Variants in GPN2 observed in about 807,000 individuals in gnomAD.
GPN2 encodes GPN-loop GTPase 2, also known as ATP-binding domain 1 family member B.
A neutral mutation model predicts 30.1 loss-of-function variants in GPN2; 27 were observed. The observed-to-expected ratio is 0.90, with a 90% CI of 0.66 to 1.24. The LOEUF (loss-of-function observed/expected upper bound fraction) is 1.24. Ranked by LOEUF, GPN2 falls within the 50% of genes most tolerant of loss-of-function variation. GPN2 has a pLI of 0.00. For synonymous variants in GPN2, 212 were observed against 174.4 expected (o/e 1.22, Z -1.70); for missense variants, 406 against 405.4 (o/e 1.00, Z -0.01).
At chr1:26,885,349 AG>A (rs1299097797) in intron 3 of GPN2, among the ~76,000 whole-genome samples, 1 of 152,140 alleles carries the variant, frequency 6.6e-6, no homozygotes, top group Non-Finnish European at 1.5e-5. Flanking sequence ...CCCAGTTGAA[AG>A]GGCTTAAGAG....
intron 1 of GPN2, among the ~76,000 whole-genome samples, chr1:26,889,436 C>T (rs2081908498): frequency 6.6e-6 from 1 of 152,200 alleles, no homozygotes; most frequent in South Asian, 2.1e-4. Context: ...TTAACCCCTT[C>T]CATACTTCCA....
Position 26,884,236 on chromosome 1 carries a change from A to G in GPN2, c.784T>C (p.Cys262Arg), listed in dbSNP as rs750022105. Residue 262 changes from cysteine (C) to arginine (R), a missense_variant, in exon 4 of 5, where the codon TGT (cysteine) becomes CGT (arginine). Transcript: ENST00000374135. ...CTTCGCTGCTCTTGGGCTCTGAAAC[A>G]GTATCCATTGGCTTTATCCACAGCC... ...LQAVDKANGY[C>R]FRAQEQRSLE... 33 of 1,613,802 alleles carry G rather than the reference A, an allele frequency of 2.0e-5. No individual in the cohort carries two copies. Among genetic ancestry groups the G allele is most frequent in the Admixed American group, 1.0e-4 (6 of 59,956 alleles).
At chr1:26,882,393 T>C (rs1170418114) in intron 4 of GPN2, among the ~76,000 whole-genome samples, 2 of 151,950 alleles carry the variant, frequency 1.3e-5, no homozygotes, top group Admixed American at 1.3e-4. Context: ...GCTCCTCCCC[T>C]CTTTTGCTGA....
intron 4 of GPN2, among the ~76,000 whole-genome samples, chr1:26,880,027 G>A (rs555867032): frequency 1.3e-4 from 20 of 152,322 alleles, no homozygotes; most frequent in Admixed American, 4.6e-4. Context: ...GACTAAGGGA[G>A]TTCAAAACCT....
chr1:26,879,789 G>A (rs2081855592), intron 4 of GPN2, 40 bp from the exon 5 acceptor site: 9 of 1,432,186 alleles, frequency 6.3e-6, no homozygotes, highest in Non-Finnish European at 8.9e-6. Context: ...ATAGGCAGAG[G>A]ATGGGGAGCT....
Position 26,879,655 on chromosome 1 carries a change from C to A in GPN2, c.*22G>T. The A allele has an allele frequency of 1.3e-6, 2 of 1,582,072 alleles. No homozygotes were observed. The highest frequency in any genetic ancestry group is 1.7e-6 in the Non-Finnish European group (2 of 1,151,214). On this transcript the variant is annotated 3_prime_UTR_variant, in exon 5 of 5. Coordinates refer to ENST00000374135, the MANE Select transcript of GPN2 (RefSeq NM_018066.4). ...CCCCAGTGCTGGATTATGCATCCTG[C>A]TCTCCAGGGTCCACCTTGTTGCTAC...
rs2081841870 is a variant in GPN2, at chr1:26,877,293, C to T, written c.*2384G>A. 6.6e-6 allele frequency: 1 copy of T among 152,218 alleles called. No individual in the cohort carries two copies. The highest frequency in any genetic ancestry group is 2.4e-5 in the African/African-American group (1 of 41,444). The allele number at this position is 152,218 out of a possible 1,614,324, so 9.4% of individuals were successfully genotyped here. A position where few individuals can be genotyped will look rare whatever the true frequency, so the allele number is the denominator to read the frequency against. ...GAGGTTGCTTTCATACTGTTCCAGC[C>T]ACAGTAGCCTCCTCATAGCCCCTCA... On this transcript the variant is annotated 3_prime_UTR_variant, in exon 5 of 5. Transcript: ENST00000374135.
At chr1:26,882,307 C>A (rs939633546) in intron 4 of GPN2, among the ~76,000 whole-genome samples, 2 of 151,748 alleles carry the variant, frequency 1.3e-5, no homozygotes, top group Non-Finnish European at 2.9e-5. Context: ...TCACTTGAAC[C>A]CTGGAGTTGG....
chr1:26,885,653 C>T (rs2081886753), intron 3 of GPN2, among the ~76,000 whole-genome samples: 1 of 150,306 alleles, frequency 6.7e-6, no homozygotes, highest in African/African-American at 2.5e-5. Flanking sequence ...GGTCTCGGCT[C>T]ACTGCAAGCT....
At chr1:26,884,446 A>C in intron 3 of GPN2, 156 bp from the exon 4 acceptor site, 6 of 237,854 alleles carry the variant, frequency 2.5e-5, no homozygotes, top group Non-Finnish European at 4.1e-5. Flanking sequence ...GATAAATCTC[A>C]TGTTTCCTGA....
chr1:26,889,211 G>A (rs1483169587), intron 1 of GPN2, 86 bp from the exon 2 acceptor site: 2 of 1,054,858 alleles, frequency 1.9e-6, no homozygotes, highest in East Asian at 2.5e-5. Flanking sequence ...AGGACAGAGG[G>A]GAAGCTTTCC....
intron 2 of GPN2, chr1:26,888,751 T>C (rs1557657151): frequency 1.7e-6 from 1 of 590,978 alleles, no homozygotes; most frequent in Admixed American, 2.7e-5. Flanking sequence ...TTAATTCCTT[T>C]GTAACACCTA....
intron 4 of GPN2, among the ~76,000 whole-genome samples, chr1:26,883,453 G>T (rs956435923): frequency 1.3e-5 from 2 of 152,162 alleles, no homozygotes; most frequent in Non-Finnish European, 1.5e-5. Flanking sequence ...CTTTGCACAT[G>T]AGAGACAGTC....
intron 3 of GPN2, among the ~76,000 whole-genome samples, chr1:26,885,380 G>C (rs2081885258): frequency 6.6e-6 from 1 of 152,128 alleles, no homozygotes. Context: ...TGGTCCTGGT[G>C]AACTTTCTTG....
chr1:26,882,010 G>A (rs1294775052), intron 4 of GPN2, among the ~76,000 whole-genome samples: 1 of 152,200 alleles, frequency 6.6e-6, no homozygotes, highest in Non-Finnish European at 1.5e-5. Flanking sequence ...GAGTTCAGGA[G>A]TTCGAAACCA....
At chr1:26,889,255 AC>A in intron 1 of GPN2, 130 bp from the exon 2 acceptor site, 1 of 706,926 alleles carries the variant, frequency 1.4e-6, no homozygotes, top group Non-Finnish European at 2.3e-6. Context: ...CTTTCTAATA[AC>A]CACCCTGGTT....
chr1:26,881,698 C>A (rs537397598), intron 4 of GPN2, among the ~76,000 whole-genome samples: 36 of 152,314 alleles, frequency 2.4e-4, no homozygotes, highest in Admixed American at 1.4e-3. Flanking sequence ...CACGCCACTG[C>A]ACTCCAGCCT....
At chr1:26,886,158 G>T in intron 2 of GPN2, 25 bp from the exon 3 acceptor site, 1 of 1,596,966 alleles carries the variant, frequency 6.3e-7, no homozygotes, top group South Asian at 1.1e-5. Flanking sequence ...CAGTGTTCAG[G>T]AGCAACCAGT....
intron 1 of GPN2, 133 bp from the exon 2 acceptor site, chr1:26,889,258 A>G: frequency 1.4e-6 from 1 of 694,020 alleles, no homozygotes; most frequent in South Asian, 2.1e-5. Context: ...TCTAATAACC[A>G]CCCTGGTTTC....
Sources: gnomAD v4.1 joint callset for allele counts (sites outside exome capture counted in the v4.1 genomes callset) on GRCh38, gnomAD v4.1.1 for gene constraint, MANE v1.5 for transcripts, NCBI Gene and HGNC (gene_info 2026-07-23, HGNC 2026-07-21) for gene names.